Variants in CPQ observed in about 807,000 individuals in gnomAD.
CPQ encodes carboxypeptidase Q.
Under a neutral mutation model 45.7 loss-of-function variants are expected in CPQ, and 37 were observed. That is an observed-to-expected ratio of 0.81 (90% CI 0.62 to 1.07). The LOEUF (loss-of-function observed/expected upper bound fraction) is 1.07. Ranked by LOEUF, CPQ falls within the 50% of genes least tolerant of loss-of-function variation. The pLI, the probability that CPQ is intolerant of heterozygous loss-of-function variation, is 0.00. For synonymous variants in CPQ, 186 were observed against 205.8 expected (o/e 0.90, Z 0.82); for missense variants, 537 against 572.9 (o/e 0.94, Z 0.64).
In CPQ at chr8:96,901,875, T is replaced by C. The variant is rs193289899; in HGVS notation, c.849+21870T>C. On this transcript the variant is annotated intron_variant, in intron 4 of 7. Transcript: ENST00000220763. ...TGTAGTCAGACAGCCAATTAACATT[T>C]TTATTTACTTTGGGAAAGCTTTGAG... 2.0e-5 allele frequency among the ~76,000 whole-genome samples: 3 copies of C among 152,326 alleles called. No individual in the cohort carries two copies. The East Asian group carries it at 5.8e-4, about 29-fold the overall frequency.
intron 6 of CPQ, among the ~76,000 whole-genome samples, chr8:97,036,058 C>CAT (rs1809998762): frequency 6.6e-6 from 1 of 152,092 alleles, no homozygotes; most frequent in Non-Finnish European, 1.5e-5. Flanking sequence ...TCAGGGAGAC[C>CAT]AAAGGCCTTT....
At chr8:96,996,339 G>T (rs1474842506) in intron 5 of CPQ, among the ~76,000 whole-genome samples, 1 of 151,950 alleles carries the variant, frequency 6.6e-6, no homozygotes, top group African/African-American at 2.4e-5. Flanking sequence ...CTTTTTAAAA[G>T]CACAGCCTAC....
chr8:96,658,800 G>A (rs969516667), intron 1 of CPQ, among the ~76,000 whole-genome samples: 5 of 151,716 alleles, frequency 3.3e-5, no homozygotes, highest in Non-Finnish European at 7.4e-5. Flanking sequence ...GGGTGGCCAC[G>A]AGCCAAGGAA....
chr8:96,678,311 T>C (rs1181443863), intron 1 of CPQ, among the ~76,000 whole-genome samples: 1 of 152,154 alleles, frequency 6.6e-6, no homozygotes, highest in African/African-American at 2.4e-5. Context: ...GAGCATGGGA[T>C]GTGTTTTTAT....
chr8:96,818,327 C>CA (rs1811256923), intron 2 of CPQ, among the ~76,000 whole-genome samples: 1 of 150,996 alleles, frequency 6.6e-6, no homozygotes, highest in South Asian at 2.1e-4. Flanking sequence ...CGTGGTGCTC[C>CA]AAAACAATTA....
chr8:97,089,351 A>G (rs1486112004), intron 7 of CPQ, among the ~76,000 whole-genome samples: 1 of 152,156 alleles, frequency 6.6e-6, no homozygotes, highest in African/African-American at 2.4e-5. Flanking sequence ...GCTTCTATTT[A>G]CCTTACAATG....
intron 6 of CPQ, among the ~76,000 whole-genome samples, chr8:97,040,936 C>T (rs1236936339): frequency 6.6e-6 from 1 of 152,038 alleles, no homozygotes; most frequent in African/African-American, 2.4e-5. Context: ...CAGCTTTGTT[C>T]TTTTGGCTTA....
At chr8:96,961,121 A>G (rs779021858) in intron 4 of CPQ, among the ~76,000 whole-genome samples, 16 of 152,174 alleles carry the variant, frequency 1.1e-4, no homozygotes, top group African/African-American at 9.7e-5. Context: ...GATATGTCCA[A>G]TTGTTTTCCC....
intron 2 of CPQ, among the ~76,000 whole-genome samples, chr8:96,828,751 A>T (rs1373647649): frequency 2.0e-5 from 3 of 152,070 alleles, no homozygotes; most frequent in African/African-American, 7.2e-5. Context: ...AGCAACCACC[A>T]TGTCAGCCAT....
At chr8:96,821,126 ATTTTTTTTTTTT>A (rs572906188) in intron 2 of CPQ, among the ~76,000 whole-genome samples, 3 of 60,940 alleles carry the variant, frequency 4.9e-5, no homozygotes, top group Non-Finnish European at 8.9e-5. Context: ...TTTAATCTGA[ATTTTTTTTTTTT>A]TTTTTTTTTT....
At chr8:97,131,532 C>A (rs1325078637) in intron 7 of CPQ, among the ~76,000 whole-genome samples, 1 of 152,156 alleles carries the variant, frequency 6.6e-6, no homozygotes, top group Admixed American at 6.5e-5. Context: ...GTGACCTTGA[C>A]CCTGTGATAT....
At chr8:97,115,706 G>A (rs1057453629) in intron 7 of CPQ, among the ~76,000 whole-genome samples, 3 of 152,292 alleles carry the variant, frequency 2.0e-5, no homozygotes, top group African/African-American at 4.8e-5. Flanking sequence ...ATGTAGGTAT[G>A]TATTCATACT....
chr8:96,934,480 A>G (rs1251306994), intron 4 of CPQ, among the ~76,000 whole-genome samples: 1 of 152,200 alleles, frequency 6.6e-6, no homozygotes, highest in African/African-American at 2.4e-5. Flanking sequence ...CCTCTGGGGC[A>G]GCCTTACTCG....
At chr8:96,988,472 A>C (rs1809030967) in intron 5 of CPQ, among the ~76,000 whole-genome samples, 1 of 152,144 alleles carries the variant, frequency 6.6e-6, no homozygotes, top group Non-Finnish European at 1.5e-5. Flanking sequence ...AATTTCAGTA[A>C]ATGTTTTTTT....
At chr8:97,056,101 AAC>A (rs34266303) in intron 6 of CPQ, among the ~76,000 whole-genome samples, 17,815 of 145,576 alleles carry the variant, frequency 0.12, 2,336 homozygotes, top group African/African-American at 0.33. Context: ...CCTATCTCAA[AAC>A]ACACACACAC....
chr8:96,773,080 A>G (rs555862575), intron 1 of CPQ, among the ~76,000 whole-genome samples: 10 of 152,206 alleles, frequency 6.6e-5, no homozygotes, highest in Admixed American at 1.3e-4. Flanking sequence ...TTTATAAAAG[A>G]AAATTCTGGA....
chr8:96,845,276 C>T (rs1201843834), intron 3 of CPQ, among the ~76,000 whole-genome samples: 1 of 152,102 alleles, frequency 6.6e-6, no homozygotes, highest in Non-Finnish European at 1.5e-5. Context: ...TAGTTTTCAG[C>T]ATGTACTTCT....
chr8:96,873,715 C>T (rs1812110232), intron 3 of CPQ, among the ~76,000 whole-genome samples: 1 of 151,666 alleles, frequency 6.6e-6, no homozygotes, highest in Non-Finnish European at 1.5e-5. Flanking sequence ...CATTCCAAGG[C>T]TTTAAACTAT....
intron 2 of CPQ, among the ~76,000 whole-genome samples, chr8:96,803,512 GA>G (rs1188031287): frequency 6.6e-6 from 1 of 152,184 alleles, no homozygotes; most frequent in Non-Finnish European, 1.5e-5. Context: ...GGATTGGTGA[GA>G]AAACCATAAT....
Sources: gnomAD v4.1 joint callset for allele counts (sites outside exome capture counted in the v4.1 genomes callset) on GRCh38, gnomAD v4.1.1 for gene constraint, MANE v1.5 for transcripts, NCBI Gene and HGNC (gene_info 2026-07-23, HGNC 2026-07-21) for gene names.